Variants in GON4L observed in about 807,000 individuals in gnomAD.
GON4L encodes the protein GON-4-like protein.
In GON4L, 87 loss-of-function variants were observed where a neutral mutation model predicts 211.8. That is an observed-to-expected ratio of 0.41 (90% CI 0.35 to 0.49). The LOEUF (loss-of-function observed/expected upper bound fraction) is 0.49, where lower values mean the gene tolerates loss of function less well. Among genes scored for constraint, GON4L ranks in the 20% least tolerant of loss-of-function variants. GON4L has a pLI of 0.15. For synonymous variants in GON4L, 875 were observed against 962.6 expected (o/e 0.91, Z 1.68); for missense variants, 2,155 against 2,659.5 (o/e 0.81, Z 4.17).
At chr1:155,745,840 G>A (rs774823262), downstream of GON4L, 4 of 691,904 alleles carry the variant, frequency 5.8e-6, no homozygotes, top group Admixed American at 2.6e-5. Flanking sequence ...TGGCGGGCGG[G>A]GCCCGGGAGG....
intron 2 of GON4L, among the ~76,000 whole-genome samples, chr1:155,827,237 C>T (rs1669295251): frequency 6.6e-6 from 1 of 152,138 alleles, no homozygotes; most frequent in African/African-American, 2.4e-5. Context: ...TTGCTGAGGT[C>T]TTTTTATTTC....
At chr1:155,823,291 T>C (rs1283138296) in intron 3 of GON4L, among the ~76,000 whole-genome samples, 5 of 152,048 alleles carry the variant, frequency 3.3e-5, no homozygotes, top group Admixed American at 6.6e-5. Flanking sequence ...ATAAACCTAA[T>C]GAAACTTACC....
intron 27 of GON4L, 39 bp from the exon 28 acceptor site, chr1:155,754,527 T>TG (rs1660956936): frequency 3.9e-6 from 3 of 770,486 alleles, no homozygotes; most frequent in African/African-American, 3.2e-5. Flanking sequence ...CCAAGTTGTT[T>TG]TTTTTTTTTT....
chr1:155,745,526 G>A (rs553964849), downstream of GON4L, among the ~76,000 whole-genome samples: 2 of 152,340 alleles, frequency 1.3e-5, no homozygotes, highest in East Asian at 1.9e-4. Flanking sequence ...GCCTTCCGCG[G>A]CCCGCGCCCT....
intron 6 of GON4L, among the ~76,000 whole-genome samples, chr1:155,818,000 T>C (rs1668402340): frequency 6.6e-6 from 1 of 151,542 alleles, no homozygotes; most frequent in Non-Finnish European, 1.5e-5. Context: ...ACGTAAACTA[T>C]ACCGTCTTGG....
intron 10 of GON4L, among the ~76,000 whole-genome samples, chr1:155,806,259 T>C (rs565608634): frequency 3.0e-4 from 45 of 151,690 alleles, no homozygotes; most frequent in African/African-American, 1.0e-3. Flanking sequence ...TTCGGGTGAT[T>C]CTCCTGCCTC....
Position 155,774,988 on chromosome 1 carries a change from C to A in GON4L, c.2350+14G>T. 6.2e-7 allele frequency: 1 copy of A among 1,603,990 alleles called. No homozygotes were observed. The highest frequency in any genetic ancestry group is 8.5e-7 in the Non-Finnish European group (1 of 1,171,986). ...CGCAAGTAAAAACTTAAAGCTGACA[C>A]ATCTGTCTCCTACCAGTCTTCTTGA... On this transcript the variant is annotated intron_variant, in intron 17 of 31. Transcript: ENST00000368331.
At chr1:155,808,416 G>C (rs919306606) in intron 10 of GON4L, among the ~76,000 whole-genome samples, 9 of 152,068 alleles carry the variant, frequency 5.9e-5, no homozygotes, top group African/African-American at 2.2e-4. Flanking sequence ...CTCTTGCCTT[G>C]CTCTCTGACC....
intron 16 of GON4L, among the ~76,000 whole-genome samples, chr1:155,775,848 G>A (rs947031917): frequency 1.3e-5 from 2 of 152,148 alleles, no homozygotes; most frequent in South Asian, 2.1e-4. Context: ...GCAGTGGCGC[G>A]ATCTCAGCTC....
In GON4L at chr1:155,853,566, C is replaced by T. The variant is rs763076020; in HGVS notation, c.215G>A (p.Gly72Asp). The change falls in exon 2 of 32, where the codon GGT becomes GAT. Residue 72 changes from glycine (G) to aspartate (D), a missense_variant. Physicochemically the swap from Gly to Asp is moderately conservative, Grantham distance 94 (BLOSUM62 -1). This residue lies in a region of GON4L where 313 missense variants were observed against 293.2 expected (regional missense o/e 1.07). Transcript: ENST00000368331. ...QSLQDAGNQLGMEDTSLSSGM... is the reference protein window; with the variant it reads ...QSLQDAGNQLDMEDTSLSSGM... The stretch of plus-strand genomic sequence containing the variant: ...AGAGCTCAGAGATGTATCCTCCATA[C>T]CAAGCTGATTTCCTGCATCCTGCAA... The T allele has an allele frequency of 6.2e-7, 1 of 1,614,214 alleles. No homozygotes were observed. The highest frequency in any genetic ancestry group is 1.1e-5 in the South Asian group (1 of 91,088).
At chr1:155,827,579 G>T (rs545158115) in intron 2 of GON4L, among the ~76,000 whole-genome samples, 5 of 152,054 alleles carry the variant, frequency 3.3e-5, no homozygotes, top group African/African-American at 4.8e-5. Context: ...TAGTTACTTG[G>T]GGGGGCTGAG....
intron 11 of GON4L, among the ~76,000 whole-genome samples, chr1:155,797,117 T>C (rs1239050575): frequency 2.0e-5 from 3 of 152,056 alleles, no homozygotes. Context: ...AATATTTTTT[T>C]TTTCTTTCTT....
chr1:155,855,194 G>A (rs1213791377), intron 1 of GON4L, among the ~76,000 whole-genome samples: 1 of 152,068 alleles, frequency 6.6e-6, no homozygotes, highest in Non-Finnish European at 1.5e-5. Flanking sequence ...AAACCAGAGG[G>A]TATCCTCTAT....
At chr1:155,762,970 A>T (rs1347949576) in intron 22 of GON4L, among the ~76,000 whole-genome samples, 1 of 152,044 alleles carries the variant, frequency 6.6e-6, no homozygotes, top group Admixed American at 6.6e-5. Flanking sequence ...TGGGAGGCAG[A>T]GGTTGCAGTG....
chr1:155,780,053 C>G (rs1170027432), intron 14 of GON4L, among the ~76,000 whole-genome samples: 1 of 151,730 alleles, frequency 6.6e-6, no homozygotes, highest in Non-Finnish European at 1.5e-5. Context: ...CCTGCCTTGG[C>G]CTCCCAAATT....
intron 2 of GON4L, among the ~76,000 whole-genome samples, chr1:155,837,377 GAAC>G (rs796897540): frequency 9.8e-5 from 15 of 152,292 alleles, no homozygotes; most frequent in African/African-American, 3.4e-4. Flanking sequence ...GACACGCCCT[GAAC>G]AACAACCCCT....
At chr1:155,798,027 G>C (rs1666246901) in intron 11 of GON4L, among the ~76,000 whole-genome samples, 1 of 151,390 alleles carries the variant, frequency 6.6e-6, no homozygotes, top group Admixed American at 6.6e-5. Context: ...GCTGCAGTGA[G>C]TCATGATCAC....
chr1:155,769,244 G>A (rs1662903460), intron 19 of GON4L, among the ~76,000 whole-genome samples: 1 of 152,008 alleles, frequency 6.6e-6, no homozygotes, highest in East Asian at 1.9e-4. Context: ...CCAAAGACCT[G>A]GGATTACAGG....
chr1:155,847,553 T>G (rs1207471476), intron 2 of GON4L, among the ~76,000 whole-genome samples: 1 of 151,976 alleles, frequency 6.6e-6, no homozygotes, highest in Non-Finnish European at 1.5e-5. Context: ...AATACAAAAA[T>G]TAGCCAGGCA....
Sources: gnomAD v4.1 joint callset for allele counts (sites outside exome capture counted in the v4.1 genomes callset) on GRCh38, gnomAD v4.1.1 for gene constraint, gnomAD v4.1.1 regional missense constraint, MANE v1.5 for transcripts, NCBI Gene and HGNC (gene_info 2026-07-23, HGNC 2026-07-21) for gene names.